The following BEND3 variants were observed in gnomAD, a reference collection of about 807,000 sequenced individuals.
BEND3 encodes the protein BEN domain-containing protein 3.
In BEND3, 13 loss-of-function variants were observed where a neutral mutation model predicts 60.1. That is an observed-to-expected ratio of 0.22 (90% CI 0.14 to 0.34). The LOEUF (loss-of-function observed/expected upper bound fraction) is 0.34. Among genes scored for constraint, BEND3 ranks in the 10% least tolerant of loss-of-function variants. The probability of loss-of-function intolerance (pLI) is 1.00; values close to 1 mark genes in which losing one functional copy is unlikely to be tolerated. For missense variants in BEND3, 896 were observed against 1,138.1 expected (o/e 0.79, Z 3.06); for synonymous variants, 497 against 491.5 (o/e 1.01, Z -0.15).
rs114518394 is a variant in BEND3 at position 107,099,679 on chromosome 6, G to A, written c.-11-383C>T. Among the ~76,000 whole-genome samples the A allele has an allele frequency of 8.0e-3, 1,219 of 152,164 alleles. 23 individuals carry two copies. The highest frequency in any genetic ancestry group is 0.028 in the African/African-American group (1,179 of 41,520). On this transcript the variant is annotated intron_variant, in intron 1 of 3. Coordinates refer to ENST00000369042, the MANE Select transcript of BEND3 (RefSeq NM_001367314.1). ...AAAACAAATAGGCTGAAGGATGGGG[G>A]CCATGGATCCTGAAATCTTAGGACT... is the stretch of plus-strand genomic sequence containing the variant.
chr6:107,088,810 C>T (rs974186658), intron 3 of BEND3, among the ~76,000 whole-genome samples: 6 of 152,096 alleles, frequency 3.9e-5, no homozygotes, highest in African/African-American at 7.2e-5. Context: ...ATATAATTTA[C>T]GATAGCTACA....
intron 3 of BEND3, among the ~76,000 whole-genome samples, chr6:107,088,890 C>G (rs1464640705): frequency 2.1e-5 from 3 of 141,524 alleles, no homozygotes; most frequent in Non-Finnish European, 3.1e-5. Flanking sequence ...CGCGGTGGCT[C>G]ACACCTATAA....
chr6:107,097,092 T>C (rs530672588), intron 3 of BEND3, among the ~76,000 whole-genome samples: 2 of 152,252 alleles, frequency 1.3e-5, no homozygotes, highest in African/African-American at 4.8e-5. Context: ...TTGGGCCTGA[T>C]GCAGTGGCTC....
intron 1 of BEND3, among the ~76,000 whole-genome samples, chr6:107,101,237 A>G (rs1246707351): frequency 6.6e-6 from 1 of 152,152 alleles, no homozygotes; most frequent in Non-Finnish European, 1.5e-5. Flanking sequence ...GCATGAAGCC[A>G]TCTAAAATGT....
chr6:107,075,890 C>T (rs2115001212), intron 3 of BEND3, among the ~76,000 whole-genome samples: 1 of 152,306 alleles, frequency 6.6e-6, no homozygotes, highest in South Asian at 2.1e-4. Flanking sequence ...GGCAAGAGTA[C>T]ATTGAAACTG....
intron 3 of BEND3, among the ~76,000 whole-genome samples, chr6:107,084,558 A>C (rs531710972): frequency 1.6e-4 from 24 of 151,012 alleles, no homozygotes; most frequent in African/African-American, 5.9e-4. Flanking sequence ...ACCTATCAGC[A>C]CTCTATAAAC....
chr6:107,072,570 C>T (rs1461358323), intron 3 of BEND3, among the ~76,000 whole-genome samples: 1 of 152,190 alleles, frequency 6.6e-6, no homozygotes, highest in South Asian at 2.1e-4. Context: ...AGCGAGGCTT[C>T]GTACAGCAAG....
At chr6:107,093,625 C>T (rs1237435940) in intron 3 of BEND3, among the ~76,000 whole-genome samples, 8 of 152,136 alleles carry the variant, frequency 5.3e-5, no homozygotes, top group African/African-American at 1.4e-4. Context: ...AGACAGTCAA[C>T]GGAAGCAATA....
chr6:107,087,123 G>A (rs1554234414), intron 3 of BEND3, among the ~76,000 whole-genome samples: 1 of 151,790 alleles, frequency 6.6e-6, no homozygotes, highest in African/African-American at 2.4e-5. Context: ...CTTGAGGTCA[G>A]GAATTCGAGA....
chr6:107,093,236 G>A (rs554788496), intron 3 of BEND3, among the ~76,000 whole-genome samples: 5 of 152,138 alleles, frequency 3.3e-5, no homozygotes, highest in Non-Finnish European at 7.3e-5. Flanking sequence ...TGAGGAGGGC[G>A]GATCATGAAG....
At chr6:107,092,276 C>T (rs946716083) in intron 3 of BEND3, among the ~76,000 whole-genome samples, 6 of 151,770 alleles carry the variant, frequency 4.0e-5, no homozygotes, top group Non-Finnish European at 5.9e-5. Context: ...AGATTTTATA[C>T]ACCATGACCA....
At chr6:107,087,073 G>A (rs1042687512) in intron 3 of BEND3, among the ~76,000 whole-genome samples, 12 of 149,980 alleles carry the variant, frequency 8.0e-5, no homozygotes, top group Non-Finnish European at 1.2e-4. Flanking sequence ...AGCCTGGGCC[G>A]GTAATCCCAG....
chr6:107,099,820 T>A (rs1331352083), intron 1 of BEND3, among the ~76,000 whole-genome samples: 2 of 151,656 alleles, frequency 1.3e-5, no homozygotes, highest in Non-Finnish European at 2.9e-5. Context: ...AAGTGTAAAA[T>A]ACACACCAAA....
chr6:107,084,089 G>GTC (rs1300190612), intron 3 of BEND3, among the ~76,000 whole-genome samples: 17 of 152,292 alleles, frequency 1.1e-4, no homozygotes, highest in Non-Finnish European at 2.4e-4. Context: ...TCTTAAACCC[G>GTC]TAAGACCGGT....
intron 3 of BEND3, among the ~76,000 whole-genome samples, chr6:107,078,514 GT>G (rs1775145397): frequency 6.8e-6 from 1 of 146,558 alleles, no homozygotes; most frequent in African/African-American, 2.5e-5. Flanking sequence ...GAGTGCAGTG[GT>G]GCAATCTCGG....
intron 3 of BEND3, among the ~76,000 whole-genome samples, chr6:107,095,909 T>A (rs1011952235): frequency 2.6e-5 from 4 of 152,172 alleles, no homozygotes; most frequent in Non-Finnish European, 2.9e-5. Context: ...GATGAACAGA[T>A]AGAGCATAAC....
Position 107,098,691 on chromosome 6 carries a change from C to A in BEND3, c.100G>T (p.Val34Leu). 6.2e-7 allele frequency: 1 copy of A among 1,614,062 alleles called. No individual in the cohort carries two copies. Among genetic ancestry groups the A allele is most frequent in the Non-Finnish European group, 8.5e-7 (1 of 1,180,020 alleles). The stretch of plus-strand genomic sequence containing the variant: ...TGCTTCTCAGAAGTCCTGGAATTCA[C>A]GGAGCAGTCCAGAGCAGCATCTTCA... ...EAEDAALDCSVNSRTSEKHSV... is the reference protein window; with the variant it reads ...EAEDAALDCSLNSRTSEKHSV... Residue 34 changes from valine to leucine, a missense_variant, in exon 3 of 4, where the codon GTG becomes TTG. Val to Leu is a conservative substitution (Grantham distance 32). Coordinates refer to ENST00000369042, the MANE Select transcript of BEND3 (RefSeq NM_001367314.1).
In BEND3 at chr6:107,085,656, T is replaced by C. The variant is rs572171244; in HGVS notation, c.240+12895A>G. 2.0e-5 allele frequency among the ~76,000 whole-genome samples: 3 copies of C among 151,792 alleles called. No homozygotes were observed. The South Asian group carries it at 6.3e-4, about 32-fold the overall frequency. On this transcript the variant is annotated intron_variant, in intron 3 of 3. Coordinates refer to ENST00000369042, the MANE Select transcript of BEND3 (RefSeq NM_001367314.1). ...ACAGGCGCCTGCCACCACGCCTGAC[T>C]AATTTTTTGTATTTTTAGTAGAGAT...
intron 3 of BEND3, among the ~76,000 whole-genome samples, chr6:107,079,917 G>A (rs2076074391): frequency 1.3e-5 from 2 of 150,574 alleles, no homozygotes; most frequent in Admixed American, 1.3e-4. Context: ...TTTAAATAGA[G>A]ACAGGGTCTC....
Sources: allele counts gnomAD v4.1 joint callset (sites outside exome capture counted in the v4.1 genomes callset), GRCh38; gene constraint gnomAD v4.1.1; transcripts MANE v1.5; gene names NCBI Gene and HGNC (gene_info 2026-07-23, HGNC 2026-07-21).